FARS2: variants seen among roughly 807,000 people sequenced by gnomAD.
FARS2 encodes the protein phenylalanine--tRNA ligase, mitochondrial.
FARS2 carries 40 observed loss-of-function variants against 46.4 expected under a neutral mutation model. The observed-to-expected ratio is 0.86, with a 90% CI of 0.67 to 1.12. FARS2 has a LOEUF of 1.12. FARS2 is among the 50% of genes most tolerant of loss of function. The probability of loss-of-function intolerance (pLI) is 0.00; values close to 1 mark genes in which losing one functional copy is unlikely to be tolerated. For missense variants in FARS2, 513 were observed against 567.9 expected, an observed-to-expected ratio of 0.90 and a Z score of 0.98; for synonymous variants, 234 against 214.9, an observed-to-expected ratio of 1.09 and a Z score of -0.78.
intron 6 of FARS2, among the ~76,000 whole-genome samples, chr6:5,628,123 A>C (rs1000313879): frequency 1.3e-5 from 2 of 152,216 alleles, no homozygotes; most frequent in Admixed American, 1.3e-4. Flanking sequence ...GAAGTATGTA[A>C]ATTATTCACG....
At chr6:5,679,741 C>T (rs577442114) in intron 6 of FARS2, among the ~76,000 whole-genome samples, 76 of 152,262 alleles carry the variant, frequency 5.0e-4, no homozygotes, top group African/African-American at 1.8e-3. Flanking sequence ...TGGAAGCAGC[C>T]GTCTCTTTAG....
At chr6:5,454,965 G>A (rs558291293) in intron 4 of FARS2, among the ~76,000 whole-genome samples, 1 of 152,186 alleles carries the variant, frequency 6.6e-6, no homozygotes, top group African/African-American at 2.4e-5. Flanking sequence ...TAAACCAATT[G>A]TGATTATGTC....
At chr6:5,400,627 ATG>A (rs143424234) in intron 2 of FARS2, among the ~76,000 whole-genome samples, 124 of 150,522 alleles carry the variant, frequency 8.2e-4, no homozygotes, top group African/African-American at 2.8e-3. Context: ...ATATGTGTGT[ATG>A]TGTGTGTGTG....
At chr6:5,500,440 G>A (rs1767723987) in intron 4 of FARS2, among the ~76,000 whole-genome samples, 1 of 152,186 alleles carries the variant, frequency 6.6e-6, no homozygotes, top group African/African-American at 2.4e-5. Flanking sequence ...ACATTAGTAA[G>A]CATCTCTCCT....
intron 6 of FARS2, among the ~76,000 whole-genome samples, chr6:5,675,207 CA>C: frequency 1.1e-5 from 1 of 94,040 alleles, no homozygotes; most frequent in South Asian, 3.6e-4. Context: ...TAGACACACA[CA>C]CACACACACA....
At chr6:5,285,240 A>G (rs1436667564) in intron 1 of FARS2, among the ~76,000 whole-genome samples, 1 of 152,194 alleles carries the variant, frequency 6.6e-6, no homozygotes, top group East Asian at 1.9e-4. Flanking sequence ...CAGTGACGGA[A>G]GAGGCCAAAG....
At chr6:5,462,962 A>C (rs1383138382) in intron 4 of FARS2, among the ~76,000 whole-genome samples, 33 of 152,202 alleles carry the variant, frequency 2.2e-4, no homozygotes. Flanking sequence ...CTTTTTTCTG[A>C]AAGGGCTAGG....
At chr6:5,632,048 AAT>A (rs1776316122) in intron 6 of FARS2, among the ~76,000 whole-genome samples, 2 of 152,200 alleles carry the variant, frequency 1.3e-5, no homozygotes, top group Non-Finnish European at 2.9e-5. Context: ...AACGAGCCAT[AAT>A]TTCAAACTTT....
At chr6:5,539,406 A>ATATATATATATT (rs1226634056) in intron 4 of FARS2, among the ~76,000 whole-genome samples, 1 of 144,848 alleles carries the variant, frequency 6.9e-6, no homozygotes, top group African/African-American at 2.6e-5. Flanking sequence ...ATATGTATAT[A>ATATATATATATT]TTTTTTTAGT....
intron 6 of FARS2, among the ~76,000 whole-genome samples, chr6:5,655,925 T>C (rs1409023345): frequency 6.6e-6 from 1 of 152,224 alleles, no homozygotes; most frequent in Admixed American, 6.5e-5. Flanking sequence ...TTCCCTGTTA[T>C]AAAGTAATAA....
intron 4 of FARS2, among the ~76,000 whole-genome samples, chr6:5,454,844 C>G (rs1764743792): frequency 6.6e-6 from 1 of 152,188 alleles, no homozygotes; most frequent in Non-Finnish European, 1.5e-5. Context: ...GCTGAGCAAG[C>G]CTTTCGGTTC....
At chr6:5,578,359 C>T (rs1773109668) in intron 5 of FARS2, among the ~76,000 whole-genome samples, 4 of 152,108 alleles carry the variant, frequency 2.6e-5, no homozygotes, top group Admixed American at 2.6e-4. Context: ...AGGTTATGCT[C>T]AACCAAATTC....
Position 5,638,725 on chromosome 6 carries a change from C to T in FARS2, c.1217+25405C>T, listed in dbSNP as rs115275569. The stretch of plus-strand genomic sequence containing the variant: ...ACCGCTGTGGGGTCTGGGCACTTGA[C>T]GGGGCCTCCCTCAGTGGACCCTGCT... On this transcript the variant is annotated intron_variant, in intron 6 of 6. Coordinates refer to ENST00000274680, the MANE Select transcript of FARS2 (RefSeq NM_006567.5). 7.1e-3 allele frequency among the ~76,000 whole-genome samples: 1,081 copies of T among 152,338 alleles called. 21 individuals are homozygous for T. The highest frequency in any genetic ancestry group is 0.024 in the African/African-American group (1,014 of 41,596).
At chr6:5,660,714 G>A (rs983003290) in intron 6 of FARS2, among the ~76,000 whole-genome samples, 2 of 151,582 alleles carry the variant, frequency 1.3e-5, no homozygotes, top group African/African-American at 2.4e-5. Context: ...AGGCCAGGGA[G>A]AGAAGAGCAT....
intron 1 of FARS2, among the ~76,000 whole-genome samples, chr6:5,353,004 A>G (rs2127609420): frequency 6.6e-6 from 1 of 152,278 alleles, no homozygotes; most frequent in Non-Finnish European, 1.5e-5. Flanking sequence ...ACAGTAGCAC[A>G]CCAGAACTTA....
intron 5 of FARS2, among the ~76,000 whole-genome samples, chr6:5,596,931 A>G (rs1774233879): frequency 6.6e-6 from 1 of 152,192 alleles, no homozygotes; most frequent in South Asian, 2.1e-4. Context: ...GTACTTGACA[A>G]TGGCCCAGGG....
chr6:5,539,624 A>C (rs1770488022), intron 4 of FARS2, among the ~76,000 whole-genome samples: 1 of 151,884 alleles, frequency 6.6e-6, no homozygotes, highest in South Asian at 2.1e-4. Flanking sequence ...AGCAATTGGA[A>C]GTTGTATTTG....
chr6:5,513,289 A>T (rs1303478551), intron 4 of FARS2, among the ~76,000 whole-genome samples: 1 of 152,060 alleles, frequency 6.6e-6, no homozygotes, highest in Admixed American at 6.6e-5. Context: ...TGGGGAAAGG[A>T]GCTGAGCCGT....
intron 6 of FARS2, among the ~76,000 whole-genome samples, chr6:5,673,904 A>G (rs1425727282): frequency 6.6e-6 from 1 of 152,182 alleles, no homozygotes; most frequent in Non-Finnish European, 1.5e-5. Flanking sequence ...AAGGTGTTAA[A>G]TGTGTTCCTC....
Sources: gnomAD v4.1 joint callset for allele counts (sites outside exome capture counted in the v4.1 genomes callset) on GRCh38, gnomAD v4.1.1 for gene constraint, MANE v1.5 for transcripts, NCBI Gene and HGNC (gene_info 2026-07-23, HGNC 2026-07-21) for gene names.